ABTB3: variants seen among roughly 807,000 people sequenced by gnomAD.
ABTB3 encodes ankyrin repeat and BTB domain containing 3.
the ABTB3 span, among the ~76,000 whole-genome samples, chr12:107,502,679 C>A: frequency 6.6e-6 from 1 of 152,140 alleles, no homozygotes; most frequent in Non-Finnish European, 1.5e-5. Flanking sequence ...GGCGAGCGAG[C>A]ATTACCACCT....
the ABTB3 span, among the ~76,000 whole-genome samples, chr12:107,499,036 A>G: frequency 2.6e-5 from 4 of 152,146 alleles, no homozygotes; most frequent in East Asian, 3.9e-4. Flanking sequence ...TCTCAACTCT[A>G]TGATAAAAGT....
the ABTB3 span, among the ~76,000 whole-genome samples, chr12:107,373,729 T>C: frequency 6.6e-6 from 1 of 152,174 alleles, no homozygotes; most frequent in Non-Finnish European, 1.5e-5. Context: ...CAGGAAGTGA[T>C]GGAGGGGACC....
the ABTB3 span, among the ~76,000 whole-genome samples, chr12:107,323,924 A>G: frequency 6.6e-6 from 1 of 152,186 alleles, no homozygotes; most frequent in South Asian, 2.1e-4. Flanking sequence ...TATCACCTGT[A>G]AAGGCAGTTG....
At chr12:107,532,026 C>T in the ABTB3 span, among the ~76,000 whole-genome samples, 1 of 152,220 alleles carries the variant, frequency 6.6e-6, no homozygotes, top group East Asian at 1.9e-4. Flanking sequence ...CCAAAGCACA[C>T]ACTCCCCAGT....
chr12:107,589,560 C>A, the ABTB3 span, among the ~76,000 whole-genome samples: 1 of 152,208 alleles, frequency 6.6e-6, no homozygotes, highest in Non-Finnish European at 1.5e-5. Flanking sequence ...GGATGTGCAA[C>A]CAGAGAGGGG....
At chr12:107,532,595 C>A in the ABTB3 span, among the ~76,000 whole-genome samples, 1 of 152,152 alleles carries the variant, frequency 6.6e-6, no homozygotes, top group Non-Finnish European at 1.5e-5. Flanking sequence ...CATAGGAAAC[C>A]TATTTAATAA....
the ABTB3 span, among the ~76,000 whole-genome samples, chr12:107,596,384 G>A: frequency 9.9e-5 from 15 of 152,168 alleles, no homozygotes; most frequent in Non-Finnish European, 1.3e-4. Flanking sequence ...AGGTCAAGGT[G>A]GGTGGATCAC....
chr12:107,617,245 C>T, the ABTB3 span: 2 of 1,613,628 alleles, frequency 1.2e-6, no homozygotes, highest in Non-Finnish European at 1.7e-6. Context: ...CTTGAAGTGC[C>T]TGTGACTATA....
At chr12:107,527,134 C>G in the ABTB3 span, among the ~76,000 whole-genome samples, 2 of 152,118 alleles carry the variant, frequency 1.3e-5, no homozygotes, top group African/African-American at 4.8e-5. Context: ...CTACCCCTCC[C>G]CACATCACTC....
At chr12:107,338,067 T>TC in the ABTB3 span, among the ~76,000 whole-genome samples, 3 of 152,136 alleles carry the variant, frequency 2.0e-5, no homozygotes, top group African/African-American at 7.2e-5. Flanking sequence ...CCATTTTTTT[T>TC]CCCCAGAACA....
At chr12:107,390,888 T>G in the ABTB3 span, among the ~76,000 whole-genome samples, 1 of 152,222 alleles carries the variant, frequency 6.6e-6, no homozygotes, top group African/African-American at 2.4e-5. Context: ...CAGTGGCTCA[T>G]GCCTGTAATC....
chr12:107,385,901 C>T, the ABTB3 span, among the ~76,000 whole-genome samples: 2 of 152,278 alleles, frequency 1.3e-5, no homozygotes, highest in South Asian at 4.2e-4. Context: ...TGAGCCAGGA[C>T]CACAGCAGGC....
chr12:107,359,775 A>G, the ABTB3 span, among the ~76,000 whole-genome samples: 2 of 152,076 alleles, frequency 1.3e-5, no homozygotes, highest in Non-Finnish European at 2.9e-5. Flanking sequence ...AGCCTCAGGG[A>G]CTTTAAGTAA....
chr12:107,412,529 A>G, the ABTB3 span, among the ~76,000 whole-genome samples: 1 of 152,168 alleles, frequency 6.6e-6, no homozygotes, highest in Non-Finnish European at 1.5e-5. Context: ...CGTGGGCCTT[A>G]AGAGATCATT....
the ABTB3 span, among the ~76,000 whole-genome samples, chr12:107,420,757 C>A: frequency 1.3e-5 from 2 of 152,192 alleles, no homozygotes; most frequent in African/African-American, 4.8e-5. Context: ...GGGACTCAGG[C>A]AGTTTACTCG....
At chr12:107,541,780 G>T in the ABTB3 span, among the ~76,000 whole-genome samples, 5 of 152,230 alleles carry the variant, frequency 3.3e-5, no homozygotes, top group African/African-American at 9.6e-5. Context: ...GGATGAGGGG[G>T]CATGAAGACT....
chr12:107,350,256 G>C, the ABTB3 span, among the ~76,000 whole-genome samples: 3 of 152,098 alleles, frequency 2.0e-5, no homozygotes, highest in African/African-American at 2.4e-5. Context: ...AAAATGGTAA[G>C]AGTTCATTAT....
the ABTB3 span, among the ~76,000 whole-genome samples, chr12:107,480,832 C>T: frequency 6.6e-6 from 1 of 152,170 alleles, no homozygotes; most frequent in African/African-American, 2.4e-5. Flanking sequence ...TCAGGGGTCA[C>T]ACCCAAAGGT....
chr12:107,400,996 C>G, the ABTB3 span, among the ~76,000 whole-genome samples: 1 of 152,194 alleles, frequency 6.6e-6, no homozygotes, highest in African/African-American at 2.4e-5. Context: ...TACCTCCTAC[C>G]CACATGTGCC....
Sources: allele counts gnomAD v4.1 joint callset (sites outside exome capture counted in the v4.1 genomes callset), GRCh38; gene constraint gnomAD v4.1.1; transcripts MANE v1.5; gene names NCBI Gene and HGNC (gene_info 2026-07-23, HGNC 2026-07-21).